Variants in FOXN3 observed in about 807,000 individuals in gnomAD.
FOXN3 encodes the protein forkhead box protein N3.
FOXN3 carries 7 observed loss-of-function variants against 38.4 expected under a neutral mutation model. The ratio of observed to expected loss-of-function variants is 0.18; its 90% CI spans 0.10 to 0.34. The LOEUF (loss-of-function observed/expected upper bound fraction) is 0.34. Among genes scored for constraint, FOXN3 ranks in the 10% least tolerant of loss-of-function variants. The pLI is 1.00. For missense variants in FOXN3, 456 were observed against 613.4 expected (o/e 0.74, Z 2.71); for synonymous variants, 230 against 242.2 (o/e 0.95, Z 0.47).
rs142350200 is a variant in FOXN3 at position 89,268,139 on chromosome 14, C to T, written c.745+12811G>A. Among the ~76,000 whole-genome samples the T allele has an allele frequency of 9.8e-4, 149 of 152,272 alleles. 1 individual carries two copies. The highest frequency in any genetic ancestry group is 3.5e-3 in the African/African-American group (145 of 41,550). ...ATGCTGCTTGGTTTAGCCAAATGCT[C>T]GACTTTAAGCTTCTGTTTCTTCATC... is the stretch of plus-strand genomic sequence containing the variant. On this transcript the variant is annotated intron_variant, in intron 4 of 5. Coordinates refer to ENST00000557258, the MANE Select transcript of FOXN3 (RefSeq NM_005197.4).
intron 3 of FOXN3, among the ~76,000 whole-genome samples, chr14:89,331,311 C>T (rs1026385464): frequency 6.6e-6 from 1 of 152,136 alleles, no homozygotes; most frequent in African/African-American, 2.4e-5. Flanking sequence ...TGATATTTGT[C>T]CTTTTGTATC....
rs150500322 is a variant in FOXN3, at chr14:89,514,944, C to T, written c.-14-102454G>A. 1.7e-3 allele frequency among the ~76,000 whole-genome samples: 263 copies of T among 150,738 alleles called. 10 individuals carry two copies. The East Asian group carries it at 0.047, about 27-fold the overall frequency. On this transcript the variant is annotated intron_variant, in intron 1 of 6. Transcript: ENST00000345097. ...ATTTCCTTTTTTTTTTTTTCTGAGA[C>T]GGAGTCTCGCCGTCTCCTAGGCTGG...
chr14:89,472,450 G>A (rs1232550477), intron 1 of FOXN3, among the ~76,000 whole-genome samples: 2 of 152,056 alleles, frequency 1.3e-5, no homozygotes, highest in Admixed American at 1.3e-4. Flanking sequence ...GCCGGGCGCG[G>A]TGGCTCACGC....
chr14:89,395,082 T>C (rs760752153), intron 2 of FOXN3, among the ~76,000 whole-genome samples: 1 of 152,242 alleles, frequency 6.6e-6, no homozygotes, highest in Non-Finnish European at 1.5e-5. Context: ...TTATGTAAGC[T>C]GCCACATCTA....
At chr14:89,444,285 G>A (rs376071205) in intron 1 of FOXN3, among the ~76,000 whole-genome samples, 12 of 151,990 alleles carry the variant, frequency 7.9e-5, no homozygotes, top group Admixed American at 2.0e-4. Flanking sequence ...TTTGATGGGC[G>A]GGGGCGGTGG....
intron 1 of FOXN3, among the ~76,000 whole-genome samples, chr14:89,549,289 A>C (rs1894951777): frequency 1.3e-5 from 2 of 151,492 alleles, no homozygotes; most frequent in African/African-American, 2.4e-5. Context: ...AAAAAAAAAA[A>C]AGAACATTTT....
At position 89,497,567 on chromosome 14, in the gene FOXN3, C is replaced by T. The variant is rs1023629178; in HGVS notation, c.-14-85077G>A. On this transcript the variant is annotated intron_variant, in intron 1 of 6. Transcript: ENST00000345097. ...GATTACAGGCATGCACCACCATGCC[C>T]GGCTAATTTTGTATTTTTAGTAGAG... Among the ~76,000 whole-genome samples, 9 of 151,838 alleles carry T rather than the reference C, an allele frequency of 5.9e-5. No homozygotes were observed. The East Asian group carries it at 7.8e-4, about 13-fold the overall frequency.
intron 1 of FOXN3, among the ~76,000 whole-genome samples, chr14:89,504,146 A>G (rs1309377302): frequency 6.6e-6 from 1 of 152,172 alleles, no homozygotes; most frequent in African/African-American, 2.4e-5. Context: ...GAACTGGGTC[A>G]CTCAGCCAGA....
chr14:89,250,979 A>G (rs549879531), intron 4 of FOXN3, among the ~76,000 whole-genome samples: 2 of 152,170 alleles, frequency 1.3e-5, no homozygotes, highest in Non-Finnish European at 2.9e-5. Flanking sequence ...AATCCTCTTT[A>G]TAAATTACTC....
chr14:89,524,797 C>A (rs1395861959), intron 1 of FOXN3, among the ~76,000 whole-genome samples: 1 of 152,124 alleles, frequency 6.6e-6, no homozygotes, highest in East Asian at 1.9e-4. Context: ...AGATTAAAAT[C>A]CTTCACATAA....
intron 1 of FOXN3, among the ~76,000 whole-genome samples, chr14:89,490,478 A>T (rs1352209460): frequency 6.6e-6 from 1 of 152,218 alleles, no homozygotes; most frequent in East Asian, 1.9e-4. Context: ...ATTGTCGGCT[A>T]AGCTAGGTCC....
intron 3 of FOXN3, among the ~76,000 whole-genome samples, chr14:89,324,277 G>A (rs896934458): frequency 1.3e-5 from 2 of 152,102 alleles, no homozygotes; most frequent in Non-Finnish European, 2.9e-5. Flanking sequence ...GCACCATTAC[G>A]GAATAGAAAT....
rs115920319 is a variant in FOXN3 at position 89,403,591 on chromosome 14, G to C, written c.543+8343C>G. On this transcript the variant is annotated intron_variant, in intron 2 of 5. Transcript: ENST00000557258. ...ATCCTGCAGCCAAAATGATTTCAAA[G>C]GGAAATCCCAGCCCAATGGGGAAGG... Among the ~76,000 whole-genome samples, 690 of 152,344 alleles carry C rather than the reference G, an allele frequency of 4.5e-3. 3 individuals carry two copies. The highest frequency in any genetic ancestry group is 0.015 in the African/African-American group (605 of 41,580).
intron 1 of FOXN3, among the ~76,000 whole-genome samples, chr14:89,486,150 C>T (rs1365403250): frequency 2.0e-5 from 3 of 152,160 alleles, no homozygotes; most frequent in Admixed American, 6.5e-5. Context: ...CCCAAGAACA[C>T]ACAACAGATA....
intron 1 of FOXN3, among the ~76,000 whole-genome samples, chr14:89,611,066 G>A (rs1896378057): frequency 6.6e-6 from 1 of 152,160 alleles, no homozygotes; most frequent in Non-Finnish European, 1.5e-5. Flanking sequence ...ACTAGGCACA[G>A]TGGCATGCCC....
intron 1 of FOXN3, among the ~76,000 whole-genome samples, chr14:89,547,228 T>G (rs562989172): frequency 3.5e-3 from 5 of 1,416 alleles, no homozygotes; most frequent in Non-Finnish European, 5.3e-3. Flanking sequence ...CACTAGGTTA[T>G]TTATTTATTT....
intron 3 of FOXN3, among the ~76,000 whole-genome samples, chr14:89,303,124 C>T (rs1335726820): frequency 2.0e-5 from 3 of 152,134 alleles, no homozygotes; most frequent in African/African-American, 7.2e-5. Flanking sequence ...CTTCTCCTGC[C>T]ACCCCTTGTC....
At chr14:89,298,472 TAA>T (rs55856005) in intron 3 of FOXN3, among the ~76,000 whole-genome samples, 2,259 of 123,502 alleles carry the variant, frequency 0.018, 57 homozygotes, top group African/African-American at 0.065. Flanking sequence ...TCCGTCTATT[TAA>T]AAAAAAAAAA....
chr14:89,438,176 C>T (rs1418489766), intron 1 of FOXN3, among the ~76,000 whole-genome samples: 1 of 152,212 alleles, frequency 6.6e-6, no homozygotes, highest in Non-Finnish European at 1.5e-5. Context: ...AACTGACTTA[C>T]AAGAGGGCTG....
Sources: allele counts gnomAD v4.1 joint callset (sites outside exome capture counted in the v4.1 genomes callset), GRCh38; gene constraint gnomAD v4.1.1; transcripts MANE v1.5; gene names NCBI Gene and HGNC (gene_info 2026-07-23, HGNC 2026-07-21).